ESYT2: variants seen among roughly 807,000 people sequenced by gnomAD.
ESYT2 encodes the protein extended synaptotagmin 2, also known as extended synaptotagmin-2.
Under a neutral mutation model 107.2 loss-of-function variants are expected in ESYT2, and 54 were observed. The observed-to-expected ratio is 0.50, with a 90% CI of 0.40 to 0.63. The LOEUF (loss-of-function observed/expected upper bound fraction) is 0.63. Ranked by LOEUF, ESYT2 falls within the 30% of genes least tolerant of loss-of-function variation. ESYT2 has a pLI of 0.00. For synonymous variants in ESYT2, 491 were observed against 434.1 expected (o/e 1.13, Z -1.63); for missense variants, 1,020 against 1,094.5 (o/e 0.93, Z 0.96).
intron 4 of ESYT2, 93 bp from the exon 5 acceptor site, chr7:158,788,510 A>G (rs1369860632): frequency 1.8e-6 from 2 of 1,092,440 alleles, no homozygotes; most frequent in Non-Finnish European, 2.6e-6. Flanking sequence ...GAATAAAATG[A>G]TAGTAAAGCA....
intron 6 of ESYT2, among the ~76,000 whole-genome samples, chr7:158,786,096 G>A (rs1167154608): frequency 1.3e-5 from 2 of 152,166 alleles, no homozygotes; most frequent in African/African-American, 4.8e-5. Context: ...GGAAATGAGT[G>A]ACTCTGAACT....
intron 16 of ESYT2, among the ~76,000 whole-genome samples, chr7:158,744,578 G>A (rs1837336498): frequency 6.6e-6 from 1 of 152,160 alleles, no homozygotes; most frequent in South Asian, 2.1e-4. Flanking sequence ...TGCCCAGGCT[G>A]TTCTCAAACT....
chr7:158,760,026 G>C, intron 12 of ESYT2, 32 bp downstream of exon 12: 1 of 1,602,150 alleles, frequency 6.2e-7, no homozygotes, highest in Non-Finnish European at 8.6e-7. Flanking sequence ...AGTTGGTTAG[G>C]TAGTTTTCAA....
At chr7:158,760,322 G>A (rs1399266569) in intron 11 of ESYT2, among the ~76,000 whole-genome samples, 175 bp from the exon 12 acceptor site, 2 of 152,216 alleles carry the variant, frequency 1.3e-5, no homozygotes, top group African/African-American at 4.8e-5. Flanking sequence ...GGATGCCAGT[G>A]ACCTCACGTT....
rs1043959163 is a variant in ESYT2 at position 158,829,156 on chromosome 7, A to G, written c.263T>C (p.Leu88Pro). 10 of 1,558,296 alleles carry G rather than the reference A, an allele frequency of 6.4e-6. No individual in the cohort carries two copies. The African/African-American group carries it at 1.2e-4, about 19-fold the overall frequency. ...GLKALRLCRA[L>P]ALLEDEERVV... Reference sequence around the variant, plus strand: ...GCGCTCCTCGTCTTCCAGCAGCGCCAGCGCGCGGCACAGGCGCAGGGCCTT... The same window carrying G: ...GCGCTCCTCGTCTTCCAGCAGCGCCGGCGCGCGGCACAGGCGCAGGGCCTT... Residue 88 changes from leucine to proline, a missense_variant, in exon 1 of 23, where the codon CTG (leucine) becomes CCG (proline). Transcript: ENST00000275418.
rs1837908118 is a variant in ESYT2 at position 158,760,128 on chromosome 7, A to G, written c.1253T>C (p.Val418Ala). The G allele has an allele frequency of 6.2e-7, 1 of 1,614,026 alleles. No individual in the cohort carries two copies. Among genetic ancestry groups the G allele is most frequent in the African/African-American group, 1.3e-5 (1 of 74,906 alleles). The change falls in exon 12 of 23, where the codon GTT becomes GCT. Residue 418 changes from valine to alanine, a missense_variant. Transcript: ENST00000275418. ...TCTCAAGTGTAGCTTCCCCTTGGGA[A>G]CCTCGTCCAGAGTGAACCACTGAAG... ...LLDEWFTLDE[V>A]PKGKLHLRLE...
At chr7:158,747,054 A>G (rs1187589738) in intron 16 of ESYT2, among the ~76,000 whole-genome samples, 2 of 151,810 alleles carry the variant, frequency 1.3e-5, no homozygotes, top group African/African-American at 4.8e-5. Context: ...TCTGTTCTCA[A>G]AAACAAAGAG....
intron 6 of ESYT2, among the ~76,000 whole-genome samples, chr7:158,783,420 C>G (rs569856776): frequency 2.0e-5 from 3 of 152,326 alleles, no homozygotes; most frequent in East Asian, 1.9e-4. Flanking sequence ...CCTGGGAAGT[C>G]TGTTGGAAAT....
chr7:158,810,387 GA>G, intron 1 of ESYT2, among the ~76,000 whole-genome samples: 1 of 152,294 alleles, frequency 6.6e-6, no homozygotes, highest in Admixed American at 6.5e-5. Flanking sequence ...TCTAGTAAGT[GA>G]AAGAAGTGGG....
chr7:158,752,943 C>G (rs1837629513), intron 13 of ESYT2, 100 bp from the exon 14 acceptor site: 1 of 762,390 alleles, frequency 1.3e-6, no homozygotes, highest in South Asian at 1.7e-5. Flanking sequence ...AATAAACAAA[C>G]AAAAATCTTT....
chr7:158,775,967 G>A (rs1454096128), intron 6 of ESYT2, among the ~76,000 whole-genome samples: 1 of 152,188 alleles, frequency 6.6e-6, no homozygotes, highest in Non-Finnish European at 1.5e-5. Context: ...GCTGGAGAAT[G>A]GATGAGGTGT....
rs1837282748 is a variant in ESYT2 at position 158,743,453 on chromosome 7, C to T, written c.1794+76G>A. 8 of 1,540,684 alleles carry T rather than the reference C, an allele frequency of 5.2e-6. No homozygotes were observed. The South Asian group carries it at 8.6e-5, about 17-fold the overall frequency. Reference sequence around the variant, plus strand: ...CAGAGCTTTCTTCACCGGCCTCATGCCCGGGGCCCATGAGTATCCCTGCCA... The same window carrying T: ...CAGAGCTTTCTTCACCGGCCTCATGTCCGGGGCCCATGAGTATCCCTGCCA... On this transcript the variant is annotated intron_variant, in intron 17 of 22. Coordinates refer to ENST00000275418, the MANE Select transcript of ESYT2 (RefSeq NM_001367773.1).
At chr7:158,787,090 G>A (rs915116855) in intron 6 of ESYT2, among the ~76,000 whole-genome samples, 5 of 152,140 alleles carry the variant, frequency 3.3e-5, no homozygotes, top group African/African-American at 1.2e-4. Context: ...CAATGAACAC[G>A]GAGGGCAGCA....
chr7:158,773,576 T>C (rs532420797), intron 6 of ESYT2, among the ~76,000 whole-genome samples, 180 bp from the exon 7 acceptor site: 1 of 152,192 alleles, frequency 6.6e-6, no homozygotes, highest in African/African-American at 2.4e-5. Context: ...GACCTGCCTC[T>C]TTTTGTTTTT....
intron 20 of ESYT2, among the ~76,000 whole-genome samples, chr7:158,736,801 G>C (rs1353037802): frequency 6.6e-6 from 1 of 152,166 alleles, no homozygotes; most frequent in African/African-American, 2.4e-5. Flanking sequence ...TCAGTAACCT[G>C]ATCTTTATTT....
chr7:158,740,395 G>A (rs1249637344), intron 18 of ESYT2, among the ~76,000 whole-genome samples: 2 of 152,154 alleles, frequency 1.3e-5, no homozygotes, highest in African/African-American at 4.8e-5. Flanking sequence ...TTGAGCACCC[G>A]AGGTTAAAAC....
At chr7:158,821,200 TC>T (rs1238709697) in intron 1 of ESYT2, among the ~76,000 whole-genome samples, 1 of 152,094 alleles carries the variant, frequency 6.6e-6, no homozygotes, top group Non-Finnish European at 1.5e-5. Flanking sequence ...GAAAAAATGA[TC>T]CCATGCAAAA....
At chr7:158,766,233 A>C (rs1838160660) in intron 8 of ESYT2, among the ~76,000 whole-genome samples, 1 of 152,128 alleles carries the variant, frequency 6.6e-6, no homozygotes, top group African/African-American at 2.4e-5. Context: ...ATGTCCCCCC[A>C]CAGAGGAACA....
intron 7 of ESYT2, 115 bp downstream of exon 7, chr7:158,773,226 C>T: frequency 9.1e-7 from 1 of 1,102,154 alleles, no homozygotes. Context: ...GTGGAGAAGG[C>T]ACCCATTCAC....
Sources: gnomAD v4.1 joint callset for allele counts (sites outside exome capture counted in the v4.1 genomes callset) on GRCh38, gnomAD v4.1.1 for gene constraint, MANE v1.5 for transcripts, NCBI Gene and HGNC (gene_info 2026-07-23, HGNC 2026-07-21) for gene names.